Variants in SPTAN1 observed in about 807,000 individuals in gnomAD.
SPTAN1 encodes the protein spectrin alpha chain, non-erythrocytic 1.
SPTAN1 carries 61 observed loss-of-function variants against 331.3 expected under a neutral mutation model. That is an observed-to-expected ratio of 0.18 (90% CI 0.15 to 0.23). SPTAN1 has a LOEUF of 0.23. Ranked by LOEUF, SPTAN1 falls within the 10% of genes least tolerant of loss-of-function variation. The pLI is 1.00. For synonymous variants in SPTAN1, 1,153 were observed against 1,173.9 expected (o/e 0.98, Z 0.36); for missense variants, 2,043 against 3,147.9 (o/e 0.65, Z 8.40).
intron 29 of SPTAN1, 103 bp from the exon 30 acceptor site, chr9:128,604,931 T>C: frequency 8.2e-7 from 1 of 1,224,500 alleles, no homozygotes; most frequent in Non-Finnish European, 1.1e-6. Flanking sequence ...AAACTCCATC[T>C]CAGTAAATAA....
intron 1 of SPTAN1, among the ~76,000 whole-genome samples, chr9:128,554,968 A>G (rs1848478967): frequency 6.6e-6 from 1 of 152,182 alleles, no homozygotes; most frequent in Admixed American, 6.5e-5. Context: ...ATGCTCTTTT[A>G]TTGCTGAATG....
intron 19 of SPTAN1, among the ~76,000 whole-genome samples, chr9:128,587,272 A>G (rs542050918): frequency 2.2e-4 from 34 of 151,908 alleles, no homozygotes; most frequent in African/African-American, 7.7e-4. Flanking sequence ...TTCTGTAGAG[A>G]TGAGGTTTCA....
chr9:128,593,098 C>A, intron 23 of SPTAN1, 56 bp downstream of exon 23: 1 of 1,543,152 alleles, frequency 6.5e-7, no homozygotes, highest in Admixed American at 1.8e-5. Flanking sequence ...CCTATCCATT[C>A]TCCCTCTGCC....
At chr9:128,630,258 T>C in intron 51 of SPTAN1, 63 bp from the exon 52 acceptor site, 1 of 1,572,274 alleles carries the variant, frequency 6.4e-7, no homozygotes, top group South Asian at 1.1e-5. Context: ...TGAGAGAAGG[T>C]TCATTCTGAG....
chr9:128,627,822 T>A lies in SPTAN1; in HGVS notation c.6690-103T>A. 1 of 1,458,234 alleles carries A rather than the reference T, an allele frequency of 6.9e-7. No individual in the cohort carries two copies. The highest frequency in any genetic ancestry group is 9.6e-7 in the Non-Finnish European group (1 of 1,038,274). The allele number at this position is 1,458,234 out of a possible 1,614,324, so 90.3% of individuals were successfully genotyped here. A position where few individuals can be genotyped will look rare whatever the true frequency, so the allele number is the denominator to read the frequency against. On this transcript the variant is annotated intron_variant, in intron 50 of 56. Transcript: ENST00000372739. This position sits in a 1 kb window ranked among gnomAD's most constrained non-coding sequence, Gnocchi z 4.9. ...GTGCGTTGGGTACTGATGTTCTTGC[T>A]TTTGTTTTCCTTTCTTTCTTGTGTC...
chr9:128,560,249 A>G (rs1417188941), intron 1 of SPTAN1, among the ~76,000 whole-genome samples: 5 of 151,570 alleles, frequency 3.3e-5, no homozygotes, highest in Non-Finnish European at 7.4e-5. Context: ...ACACCTGGCT[A>G]ATTTTTTGTA....
At chr9:128,617,539 A>G in intron 41 of SPTAN1, 101 bp from the exon 42 acceptor site, 1 of 1,568,726 alleles carries the variant, frequency 6.4e-7, no homozygotes, top group Non-Finnish European at 8.7e-7. Context: ...TTTCCCAGAA[A>G]GATTAGTAGA....
At chr9:128,599,482 G>GGTT (rs1554754291) in intron 26 of SPTAN1, 2 of 151,458 alleles carry the variant, frequency 1.3e-5, no homozygotes, top group Admixed American at 6.4e-5. Context: ...AAAAAAGTTG[G>GGTT]TTTTTTTTTT....
chr9:128,566,121 A>C (rs888084514), intron 1 of SPTAN1, among the ~76,000 whole-genome samples: 1 of 152,156 alleles, frequency 6.6e-6, no homozygotes, highest in Non-Finnish European at 1.5e-5. Flanking sequence ...CAGTGGTGCA[A>C]TGATGGCTCA....
intron 46 of SPTAN1, 56 bp downstream of exon 46, chr9:128,624,543 T>C (rs1219196155): frequency 3.8e-6 from 6 of 1,591,612 alleles, no homozygotes; most frequent in Non-Finnish European, 5.1e-6. Flanking sequence ...CTTTGTCTCC[T>C]TCCGTGTCAT....
At chr9:128,619,031 G>T (rs1564300487) in intron 44 of SPTAN1, 28 bp downstream of exon 44, 1 of 1,612,854 alleles carries the variant, frequency 6.2e-7, no homozygotes. Flanking sequence ...GGTGTCACCT[G>T]CTTTCTCTCT....
chr9:128,588,458 C>T (rs1276211077), intron 20 of SPTAN1, among the ~76,000 whole-genome samples: 4 of 151,544 alleles, frequency 2.6e-5, no homozygotes, highest in South Asian at 2.1e-4. Context: ...ATTACAGGCA[C>T]GCACCACCAC....
chr9:128,601,438 A>G (rs1855138484), intron 27 of SPTAN1: 1 of 152,114 alleles, frequency 6.6e-6, no homozygotes. Context: ...ATAAAAGTAG[A>G]TCTTTTGGCT....
At chr9:128,606,229 G>T (rs1481279596) in intron 31 of SPTAN1, among the ~76,000 whole-genome samples, 1 of 150,152 alleles carries the variant, frequency 6.7e-6, no homozygotes, top group Non-Finnish European at 1.5e-5. Context: ...CCAGCCGGGC[G>T]TGGTGGCACA....
chr9:128,624,645 G>C (rs910542162), intron 46 of SPTAN1, 158 bp downstream of exon 46: 3 of 964,530 alleles, frequency 3.1e-6, no homozygotes, highest in Non-Finnish European at 3.1e-6. Context: ...GCTAGGAGGA[G>C]ACAGTGTCCT....
intron 46 of SPTAN1, chr9:128,624,867 G>A: frequency 1.6e-6 from 1 of 611,642 alleles, no homozygotes; most frequent in Non-Finnish European, 2.9e-6. Context: ...CACGTGTCCT[G>A]GGTAGTAGTA....
chr9:128,594,485 C>A, intron 24 of SPTAN1, 112 bp downstream of exon 24: 1 of 1,064,376 alleles, frequency 9.4e-7, no homozygotes, highest in Non-Finnish European at 1.3e-6. Flanking sequence ...AGCTGGAGTG[C>A]AGTGGTATGA....
rs1281316314 is a variant in SPTAN1, at chr9:128,611,924, A to G, written c.4905+79A>G. ...CAACCTGATATAATAACTTGGACAT[A>G]CAGTCTTAAGACACTAAATGGATTA... On this transcript the variant is annotated intron_variant, in intron 38 of 56. Transcript: ENST00000372739. 8 of 1,610,344 alleles carry G rather than the reference A, an allele frequency of 5.0e-6. No homozygotes were observed. The African/African-American group carries it at 1.1e-4, about 22-fold the overall frequency.
At chr9:128,604,185 AT>A in intron 28 of SPTAN1, 140 bp from the exon 29 acceptor site, 1 of 895,684 alleles carries the variant, frequency 1.1e-6, no homozygotes, top group Admixed American at 2.0e-5. Context: ...TTGTATACTA[AT>A]TTATTCAGCG....
Sources: gnomAD v4.1 joint callset for allele counts (sites outside exome capture counted in the v4.1 genomes callset) on GRCh38, gnomAD v4.1.1 for gene constraint, Gnocchi (gnomAD v3.1) non-coding constraint, MANE v1.5 for transcripts, NCBI Gene and HGNC (gene_info 2026-07-23, HGNC 2026-07-21) for gene names.